The following ESCO1 variants were observed in gnomAD, a reference collection of about 807,000 sequenced individuals.
ESCO1 encodes N-acetyltransferase ESCO1.
A neutral mutation model predicts 83.5 loss-of-function variants in ESCO1; 33 were observed. That is an observed-to-expected ratio of 0.40 (90% CI 0.30 to 0.53). The LOEUF is 0.53. Among genes scored for constraint, ESCO1 ranks in the 20% least tolerant of loss-of-function variants. The pLI, the probability that ESCO1 is intolerant of heterozygous loss-of-function variation, is 0.63. For synonymous variants in ESCO1, 332 were observed against 324.3 expected, an observed-to-expected ratio of 1.02 and a Z score of -0.25; for missense variants, 855 against 968.0, an observed-to-expected ratio of 0.88 and a Z score of 1.55.
chr18:21,580,815 C>T (rs918052991), intron 2 of ESCO1, among the ~76,000 whole-genome samples: 1 of 151,836 alleles, frequency 6.6e-6, no homozygotes, highest in African/African-American at 2.4e-5. Context: ...CAAGGAGGAA[C>T]CCCCGTCTCT....
chr18:21,596,672 A>T (rs534690480), intron 1 of ESCO1, among the ~76,000 whole-genome samples: 1 of 152,164 alleles, frequency 6.6e-6, no homozygotes, highest in South Asian at 2.1e-4. Flanking sequence ...GTCTCCACAA[A>T]AATATAAAAA....
At chr18:21,564,716 C>T (rs1598465711) in intron 6 of ESCO1, among the ~76,000 whole-genome samples, 1 of 151,844 alleles carries the variant, frequency 6.6e-6, no homozygotes, top group Admixed American at 6.6e-5. Context: ...ATTTTCTACA[C>T]AACGCTGATA....
chr18:21,551,135 C>G (rs1044538283), intron 8 of ESCO1, among the ~76,000 whole-genome samples: 2 of 135,394 alleles, frequency 1.5e-5, no homozygotes, highest in African/African-American at 5.5e-5. Flanking sequence ...AAAAAGAAAA[C>G]AAAAAGCATG....
At chr18:21,597,225 A>G (rs961783981) in intron 1 of ESCO1, among the ~76,000 whole-genome samples, 3 of 152,370 alleles carry the variant, frequency 2.0e-5, no homozygotes, top group Middle Eastern at 3.4e-3. Context: ...AACTTCAACC[A>G]GAAACATATA....
At chr18:21,580,445 C>A (rs576216393) in intron 2 of ESCO1, among the ~76,000 whole-genome samples, 1 of 152,164 alleles carries the variant, frequency 6.6e-6, no homozygotes, top group African/African-American at 2.4e-5. Context: ...AAGTAGAATT[C>A]AATGCCCAAT....
intron 8 of ESCO1, among the ~76,000 whole-genome samples, chr18:21,559,538 T>G (rs2146196619): frequency 6.6e-6 from 1 of 152,352 alleles, no homozygotes; most frequent in South Asian, 2.1e-4. Flanking sequence ...GTTTTTATAA[T>G]TTTAGGAAAC....
At chr18:21,540,504 A>T (rs1403844314) in intron 8 of ESCO1, 2 of 1,133,276 alleles carry the variant, frequency 1.8e-6, no homozygotes, top group Non-Finnish European at 2.2e-6. Flanking sequence ...GCCCAGTATG[A>T]AAGGAATAGT....
At chr18:21,599,413 C>T (rs535302004) in intron 1 of ESCO1, among the ~76,000 whole-genome samples, 1 of 152,128 alleles carries the variant, frequency 6.6e-6, no homozygotes, top group Non-Finnish European at 1.5e-5. Context: ...AGTACTTGAC[C>T]AGAAGACAAA....
In ESCO1 at chr18:21,567,434, C is replaced by T. The variant is rs1295778695; in HGVS notation, c.1645+546G>A. Among the ~76,000 whole-genome samples the T allele has an allele frequency of 5.9e-5, 9 of 151,334 alleles. No homozygotes were observed. The East Asian group carries it at 1.6e-3, about 26-fold the overall frequency. ...TCTGCCTAGGCATTCCAAAGTGCTG[C>T]GATTACAGGCTTGAGCCACCACGAC... On this transcript the variant is annotated intron_variant, in intron 5 of 11. Coordinates refer to ENST00000269214, the MANE Select transcript of ESCO1 (RefSeq NM_052911.3).
At chr18:21,594,297 T>C (rs2038728412) in intron 1 of ESCO1, among the ~76,000 whole-genome samples, 1 of 152,254 alleles carries the variant, frequency 6.6e-6, no homozygotes, top group Non-Finnish European at 1.5e-5. Flanking sequence ...TCCTGAAATA[T>C]ATTCAGGTTT....
intron 7 of ESCO1, among the ~76,000 whole-genome samples, chr18:21,561,456 C>A (rs1179824708): frequency 6.6e-6 from 1 of 152,124 alleles, no homozygotes; most frequent in Non-Finnish European, 1.5e-5. Flanking sequence ...GAGACAAGGT[C>A]CCGCTCTGTC....
Position 21,532,681 on chromosome 18 carries a change from G to GA in ESCO1, c.2188-22dup, listed in dbSNP as rs770480505. On this transcript the variant is annotated intron_variant, in intron 10 of 11. Coordinates refer to ENST00000269214, the MANE Select transcript of ESCO1 (RefSeq NM_052911.3). ...TAGCCCTACAGGTGTCAAAAATGGG[G>GA]AAAAAATTTAAGTGAGATTATTAAT... 6 of 1,598,328 alleles carry GA rather than the reference G, an allele frequency of 3.8e-6. No homozygotes were observed. In the African/African-American group the frequency reaches 6.8e-5, roughly 18 times the overall value.
chr18:21,574,394 CTG>C lies in ESCO1; in HGVS notation c.448_449del (p.Gln150GlufsTer6). ...EIQGQVQAVK[Q>X]SLPPTKKEQC... is the part of the protein sequence containing the mutation. Reference sequence around the variant, plus strand: ...GCTCTTTTTTAGTTGGTGGCAAACTCTGTTTAACTGCTTGAACTTGACCCTGA... The same window carrying C: ...GCTCTTTTTTAGTTGGTGGCAAACTCTTTAACTGCTTGAACTTGACCCTGA... On this transcript the variant is annotated frameshift_variant, in exon 4 of 12. Transcript: ENST00000269214. LOFTEE classifies it high-confidence loss of function. 1 of 1,614,104 alleles carries C rather than the reference CTG, an allele frequency of 6.2e-7. No individual in the cohort carries two copies. Among genetic ancestry groups the C allele is most frequent in the Non-Finnish European group, 8.5e-7 (1 of 1,180,034 alleles).
chr18:21,566,236 T>C (rs781277880), intron 5 of ESCO1, 30 bp from the exon 6 acceptor site: 10 of 1,590,798 alleles, frequency 6.3e-6, no homozygotes, highest in Admixed American at 1.7e-5. Context: ...GTGGGTTATA[T>C]ATTGAGTTTT....
intron 8 of ESCO1, among the ~76,000 whole-genome samples, chr18:21,558,531 C>A (rs1265237404): frequency 1.3e-5 from 2 of 152,044 alleles, no homozygotes; most frequent in African/African-American, 4.8e-5. Context: ...GAGTTCAAGA[C>A]CAGCCTGACC....
intron 8 of ESCO1, among the ~76,000 whole-genome samples, chr18:21,546,321 G>A (rs926246824): frequency 6.6e-6 from 1 of 152,048 alleles, no homozygotes; most frequent in Non-Finnish European, 1.5e-5. Context: ...GTAGAGGAAG[G>A]AGGATCACTT....
intron 8 of ESCO1, among the ~76,000 whole-genome samples, chr18:21,556,414 A>G (rs1187200233): frequency 1.3e-5 from 2 of 152,160 alleles, no homozygotes; most frequent in Non-Finnish European, 2.9e-5. Context: ...AATTTCACAT[A>G]AAAAAATAAA....
chr18:21,537,181 G>A (rs116970342), intron 9 of ESCO1, among the ~76,000 whole-genome samples: 238 of 152,312 alleles, frequency 1.6e-3, no homozygotes, highest in Non-Finnish European at 2.3e-3. Context: ...AACATGGTAA[G>A]CTCAAACTGT....
At chr18:21,550,619 G>A (rs919328132) in intron 8 of ESCO1, among the ~76,000 whole-genome samples, 4 of 152,042 alleles carry the variant, frequency 2.6e-5, no homozygotes, top group Non-Finnish European at 4.4e-5. Flanking sequence ...TGAGTTCATC[G>A]GTATTGCTTA....
Sources: allele counts gnomAD v4.1 joint callset (sites outside exome capture counted in the v4.1 genomes callset), GRCh38; gene constraint gnomAD v4.1.1; transcripts MANE v1.5; gene names NCBI Gene and HGNC (gene_info 2026-07-23, HGNC 2026-07-21).